The following LRRIQ1 variants were observed in gnomAD, a reference collection of about 807,000 sequenced individuals.
LRRIQ1 encodes leucine-rich repeat- and IQ domain-containing protein 1.
Under a neutral mutation model 211.9 loss-of-function variants are expected in LRRIQ1, and 210 were observed. The ratio of observed to expected loss-of-function variants is 0.99; its 90% CI spans 0.89 to 1.11. The LOEUF is 1.11. LRRIQ1 is among the 50% of genes most tolerant of loss of function. The pLI, the probability that LRRIQ1 is intolerant of heterozygous loss-of-function variation, is 0.00. For missense variants in LRRIQ1, 2,136 were observed against 1,939.5 expected (o/e 1.10, Z -1.90); for synonymous variants, 699 against 650.1 (o/e 1.08, Z -1.14).
intron 1 of LRRIQ1, among the ~76,000 whole-genome samples, chr12:85,037,825 C>A (rs1878342256): frequency 6.6e-6 from 1 of 152,028 alleles, no homozygotes; most frequent in South Asian, 2.1e-4. Flanking sequence ...TATTACATTG[C>A]AACTCATGCA....
At chr12:85,186,209 G>T (rs1193195577) in intron 24 of LRRIQ1, among the ~76,000 whole-genome samples, 1 of 152,142 alleles carries the variant, frequency 6.6e-6, no homozygotes, top group Non-Finnish European at 1.5e-5. Flanking sequence ...ATTAAAAACT[G>T]TCAGGGATTA....
intron 8 of LRRIQ1, among the ~76,000 whole-genome samples, chr12:85,060,617 G>C (rs1350320348): frequency 6.6e-6 from 1 of 151,812 alleles, no homozygotes; most frequent in Admixed American, 6.6e-5. Context: ...AAATTGTTTT[G>C]TAGCTGTTTT....
At chr12:85,038,833 CAT>C (rs1402690434) in intron 2 of LRRIQ1, among the ~76,000 whole-genome samples, 1 of 151,352 alleles carries the variant, frequency 6.6e-6, no homozygotes, top group African/African-American at 2.4e-5. Context: ...ATTGATTTAT[CAT>C]ATGTCTTACT....
At chr12:85,127,721 A>G in intron 17 of LRRIQ1, 111 bp from the exon 18 acceptor site, 1 of 830,216 alleles carries the variant, frequency 1.2e-6, no homozygotes, top group Non-Finnish European at 1.9e-6. Context: ...ATTTTTAAAT[A>G]ATACTTTATG....
At chr12:85,254,425 T>G (rs957855796) in intron 1 of LRRIQ1, among the ~76,000 whole-genome samples, 1 of 152,092 alleles carries the variant, frequency 6.6e-6, no homozygotes, top group Non-Finnish European at 1.5e-5. Flanking sequence ...TAACTGAAAT[T>G]TACAAATAAA....
intron 18 of LRRIQ1, among the ~76,000 whole-genome samples, chr12:85,137,488 A>G (rs1386382487): frequency 1.3e-5 from 2 of 151,690 alleles, no homozygotes; most frequent in East Asian, 3.9e-4. Flanking sequence ...TTTATTTTAT[A>G]CATAATCATT....
At chr12:85,102,949 A>ATATATATAT (rs1565834028) in intron 13 of LRRIQ1, among the ~76,000 whole-genome samples, 5 of 106,248 alleles carry the variant, frequency 4.7e-5, no homozygotes, top group East Asian at 7.9e-4. Context: ...TGTGGCAAAA[A>ATATATATAT]AAAAAAAAAA....
chr12:85,192,915 ATATATAATTATATAATATAAT>A (rs1441502953), intron 24 of LRRIQ1, among the ~76,000 whole-genome samples: 8 of 94,528 alleles, frequency 8.5e-5, no homozygotes, highest in African/African-American at 3.5e-4. Flanking sequence ...TTATACATAA[ATATATAATTATATAATATAAT>A]TATATATAAA....
rs1880929994 is a variant in LRRIQ1 at position 85,055,685 on chromosome 12, G to C, written c.892G>C (p.Val298Leu). The C allele has an allele frequency of 6.2e-7, 1 of 1,609,138 alleles. No individual in the cohort carries two copies. The highest frequency in any genetic ancestry group is 8.5e-7 in the Non-Finnish European group (1 of 1,178,438). Residue 298 changes from valine to leucine, a missense_variant, in exon 8 of 27, where the codon GTT becomes CTT. Physicochemically the swap from Val to Leu is conservative, Grantham distance 32 (BLOSUM62 1). Coordinates refer to ENST00000393217, the MANE Select transcript of LRRIQ1 (RefSeq NM_001079910.2). The stretch of plus-strand genomic sequence containing the variant: ...AATTCAAGCTAAATATAAAGCATTT[G>C]TTGCCTATCAAAAATATGGCCCAAT... ...VKIQAKYKAF[V>L]AYQKYGPIIK...
chr12:85,066,833 A>C lies in LRRIQ1; in HGVS notation c.2630A>C (p.His877Pro), dbSNP rs564746060. 4.4e-6 allele frequency: 7 copies of C among 1,593,158 alleles called. No homozygotes were observed. The African/African-American group carries it at 6.7e-5, about 15-fold the overall frequency. The part of the protein sequence containing the change: ...LLNKNQLTSL[H>P]GLDGCTNIQC... ...AATAAAAATCAACTGACTTCTCTTC[A>C]TGGTTTGGATGGCTGTACTAATATT... The change falls in exon 10 of 27, where the codon CAT becomes CCT. Residue 877 changes from histidine (H) to proline (P), a missense_variant. Transcript: ENST00000393217.
intron 24 of LRRIQ1, among the ~76,000 whole-genome samples, chr12:85,170,655 C>T (rs745349184): frequency 2.8e-4 from 42 of 151,402 alleles, no homozygotes; most frequent in Non-Finnish European, 5.6e-4. Context: ...AGCCTGTGTA[C>T]TTTTTGTTAA....
At chr12:85,095,756 A>C (rs1592786549) in intron 11 of LRRIQ1, among the ~76,000 whole-genome samples, 1 of 152,076 alleles carries the variant, frequency 6.6e-6, no homozygotes, top group Non-Finnish European at 1.5e-5. Flanking sequence ...CTTTGAATCC[A>C]TCTGGTCCAG....
intron 1 of LRRIQ1, among the ~76,000 whole-genome samples, chr12:85,258,391 A>G (rs904826451): frequency 2.0e-5 from 3 of 151,926 alleles, no homozygotes; most frequent in Non-Finnish European, 2.9e-5. Flanking sequence ...GTACAAAAAT[A>G]CTTTTATTCA....
intron 19 of LRRIQ1, among the ~76,000 whole-genome samples, chr12:85,147,773 T>C (rs1394692782): frequency 6.6e-6 from 1 of 151,672 alleles, no homozygotes; most frequent in East Asian, 2.0e-4. Flanking sequence ...TACCATTTTC[T>C]TTTTACAAGT....
At chr12:85,174,723 A>AAAAAAAAAAAAAAAAAAAAC (rs1891602304) in intron 24 of LRRIQ1, among the ~76,000 whole-genome samples, 2 of 148,372 alleles carry the variant, frequency 1.3e-5, no homozygotes, top group African/African-American at 2.5e-5. Flanking sequence ...AAAAAAAAAA[A>AAAAAAAAAAAAAAAAAAAAC]TCTGAGATCC....
intron 19 of LRRIQ1, among the ~76,000 whole-genome samples, chr12:85,145,194 G>GA (rs903255813): frequency 6.6e-6 from 1 of 151,338 alleles, no homozygotes; most frequent in Non-Finnish European, 1.5e-5. Flanking sequence ...TAAATAGACA[G>GA]AAAAAACATA....
At chr12:85,078,497 T>C (rs1292987237) in intron 11 of LRRIQ1, among the ~76,000 whole-genome samples, 2 of 152,134 alleles carry the variant, frequency 1.3e-5, no homozygotes, top group African/African-American at 4.8e-5. Flanking sequence ...TGATTAAGTG[T>C]GGTACTGATA....
rs138281811 is a variant in LRRIQ1 at position 85,205,219 on chromosome 12, G to T, written c.4823-24298G>T. On this transcript the variant is annotated intron_variant, in intron 24 of 26. Transcript: ENST00000393217. ...GAGGCTTCCCCAGCCATGTAGAACTGTAAATCCAATTAAACCTCTTTCTTT... is the reference window on the plus strand; with the variant it reads ...GAGGCTTCCCCAGCCATGTAGAACTTTAAATCCAATTAAACCTCTTTCTTT... Among the ~76,000 whole-genome samples the T allele has an allele frequency of 7.3e-3, 1,115 of 152,280 alleles. 21 individuals carry two copies. Among genetic ancestry groups the T allele is most frequent in the African/African-American group, 0.025 (1,056 of 41,558 alleles).
At chr12:85,250,353 A>G (rs990000479) in intron 1 of LRRIQ1, among the ~76,000 whole-genome samples, 1 of 151,838 alleles carries the variant, frequency 6.6e-6, no homozygotes, top group African/African-American at 2.4e-5. Flanking sequence ...TAAGTGTTTC[A>G]TTTCAGGTGA....
Sources: gnomAD v4.1 joint callset for allele counts (sites outside exome capture counted in the v4.1 genomes callset) on GRCh38, gnomAD v4.1.1 for gene constraint, MANE v1.5 for transcripts, NCBI Gene and HGNC (gene_info 2026-07-23, HGNC 2026-07-21) for gene names.